Variants in ZBTB45 observed in about 807,000 individuals in gnomAD.
The protein encoded by ZBTB45 is zinc finger and BTB domain containing 45.
ZBTB45 carries 22 observed loss-of-function variants against 28.4 expected under a neutral mutation model. The observed-to-expected ratio is 0.77, with a 90% CI of 0.55 to 1.10. The LOEUF (loss-of-function observed/expected upper bound fraction) is 1.10. ZBTB45 is among the 50% of genes least tolerant of loss of function. The pLI is 0.00. For synonymous variants in ZBTB45, 361 were observed against 332.3 expected, an observed-to-expected ratio of 1.09 and a Z score of -0.94; for missense variants, 656 against 750.2, an observed-to-expected ratio of 0.87 and a Z score of 1.47.
upstream of ZBTB45, among the ~76,000 whole-genome samples, chr19:58,523,232 A>G (rs2053587840): frequency 6.6e-6 from 1 of 152,066 alleles, no homozygotes; most frequent in African/African-American, 2.4e-5. Context: ...TTTTCTCTCT[A>G]AAGATCTTTT....
At chr19:58,529,910 C>T (rs928375952) in intron 1 of ZBTB45, among the ~76,000 whole-genome samples, 2 of 152,016 alleles carry the variant, frequency 1.3e-5, no homozygotes, top group Non-Finnish European at 2.9e-5. Flanking sequence ...TGAATGAGAC[C>T]CCATTATGGC....
intron 1 of ZBTB45, among the ~76,000 whole-genome samples, chr19:58,534,854 C>A (rs1356232569): frequency 6.7e-6 from 1 of 149,246 alleles, no homozygotes; most frequent in Non-Finnish European, 1.5e-5. Context: ...CCGTGCCCGA[C>A]CTAATTCTTT....
intron 1 of ZBTB45, among the ~76,000 whole-genome samples, chr19:58,528,433 A>G (rs2053618811): frequency 6.6e-6 from 1 of 151,682 alleles, no homozygotes; most frequent in South Asian, 2.1e-4. Flanking sequence ...ACTGCACTCC[A>G]GCCTGGACGA....
intron 1 of ZBTB45, among the ~76,000 whole-genome samples, chr19:58,537,323 G>C (rs528528555): frequency 1.3e-5 from 2 of 152,272 alleles, no homozygotes; most frequent in African/African-American, 4.8e-5. Flanking sequence ...CCTGCTGCTT[G>C]TGTGGCTGCC....
At chr19:58,532,031 C>A (rs545630343) in intron 1 of ZBTB45, among the ~76,000 whole-genome samples, 3 of 152,030 alleles carry the variant, frequency 2.0e-5, no homozygotes, top group East Asian at 1.9e-4. Context: ...GTCCTCCCCC[C>A]TCCTTCCTTT....
intron 1 of ZBTB45, among the ~76,000 whole-genome samples, chr19:58,536,639 T>A (rs1232322223): frequency 6.6e-6 from 1 of 151,854 alleles, no homozygotes; most frequent in Non-Finnish European, 1.5e-5. Flanking sequence ...CGAGACTCCA[T>A]CTCAAAAAAA....
chr19:58,532,824 G>A (rs2122595806), intron 1 of ZBTB45, among the ~76,000 whole-genome samples: 1 of 151,982 alleles, frequency 6.6e-6, no homozygotes, highest in East Asian at 1.9e-4. Flanking sequence ...TGGGATTACA[G>A]GCGTGAGCCA....
intron 1 of ZBTB45, among the ~76,000 whole-genome samples, chr19:58,531,789 C>T (rs914128130): frequency 6.6e-6 from 1 of 152,156 alleles, no homozygotes; most frequent in African/African-American, 2.4e-5. Context: ...GGTCACTGTT[C>T]TTTCTGATGC....
upstream of ZBTB45, among the ~76,000 whole-genome samples, chr19:58,524,396 T>G (rs1229528063): frequency 1.8e-5 from 1 of 56,222 alleles, no homozygotes; most frequent in African/African-American, 6.9e-5. Context: ...AAAAAGAATG[T>G]GTATATATAT....
intron 1 of ZBTB45, among the ~76,000 whole-genome samples, chr19:58,527,185 C>T (rs1355390881): frequency 6.6e-6 from 1 of 152,152 alleles, no homozygotes; most frequent in African/African-American, 2.4e-5. Context: ...ACCCACTGCT[C>T]CTCGATGCCC....
intron 1 of ZBTB45, among the ~76,000 whole-genome samples, chr19:58,532,308 G>A (rs1227570213): frequency 6.6e-6 from 1 of 152,210 alleles, no homozygotes; most frequent in African/African-American, 2.4e-5. Context: ...TTAGGTTCTT[G>A]AAATGGGGAG....
chr19:58,524,454 T>TGTGTGC, upstream of ZBTB45, among the ~76,000 whole-genome samples: 1 of 150,654 alleles, frequency 6.6e-6, no homozygotes, highest in African/African-American at 2.4e-5. Flanking sequence ...TGTGTGTGTG[T>TGTGTGC]GTGTGTGTGT....
intron 2 of ZBTB45, 73 bp from the exon 3 acceptor site, chr19:58,514,383 C>G (rs1263022161): frequency 6.0e-6 from 8 of 1,322,586 alleles, no homozygotes; most frequent in Admixed American, 3.1e-5. Flanking sequence ...ACCCCACCCC[C>G]ACCTGGGCTC....
chr19:58,517,058 G>C lies in ZBTB45; in HGVS notation c.616C>G (p.Arg206Gly), dbSNP rs768718808. 2 of 1,613,096 alleles carry C rather than the reference G, an allele frequency of 1.2e-6. No individual in the cohort carries two copies. Among genetic ancestry groups the C allele is most frequent in the African/African-American group, 2.7e-5 (2 of 74,928 alleles). Residue 206 changes from arginine to glycine, a missense_variant, in exon 2 of 3, where the codon CGA (arginine) becomes GGA (glycine). Transcript: ENST00000594051. ...DPSLSAAPDD[R>G]GDEDDEESDD... ...CTTTCCTCGTCATCCTCGTCACCTC[G>C]GTCATCAGGGGCCGCGGACAGTGAG...
At position 58,517,010 on chromosome 19, in the gene ZBTB45, C is replaced by T. The variant is rs768914857; in HGVS notation, c.664G>A (p.Asp222Asn). Residue 222 changes from aspartate to asparagine, a missense_variant, in exon 2 of 3, where the codon GAT becomes AAT. This residue lies in a region of ZBTB45 where 448 missense variants were observed against 444.3 expected (regional missense o/e 1.01). Coordinates refer to ENST00000594051, the MANE Select transcript of ZBTB45 (RefSeq NM_001316979.2). ...EESDDETDGE[D>N]GEGGGPGEGQ... is the part of the protein sequence containing the mutation. ...TCGCCTGGGCCGCCACCTTCGCCAT[C>T]CTCGCCATCGGTCTCATCGTCACTT... is the stretch of plus-strand genomic sequence containing the variant. 1.2e-6 allele frequency: 2 copies of T among 1,613,176 alleles called. No individual in the cohort carries two copies. Among genetic ancestry groups the T allele is most frequent in the Admixed American group, 1.7e-5 (1 of 60,008 alleles).
rs2053493452 is a variant in ZBTB45 at position 58,516,350 on chromosome 19, T to C, written c.1279+45A>G. ...TGCTCAATTCCCCCTCAGGTTTAAC[T>C]CTCCGATGAGAGATTGCTCCCTCTC... On this transcript the variant is annotated intron_variant, in intron 2 of 2. Transcript: ENST00000594051. This position sits in a 1 kb window ranked among gnomAD's most constrained non-coding sequence, Gnocchi z 6.2. 1 of 1,610,956 alleles carries C rather than the reference T, an allele frequency of 6.2e-7. No homozygotes were observed. The highest frequency in any genetic ancestry group is 8.5e-7 in the Non-Finnish European group (1 of 1,178,048).
Position 58,513,780 on chromosome 19 carries a change from G to C in ZBTB45, c.*274C>G, listed in dbSNP as rs1325301806. The C allele has an allele frequency of 2.7e-6, 1 of 376,462 alleles. No individual in the cohort carries two copies. Among genetic ancestry groups the C allele is most frequent in the East Asian group, 4.0e-5 (1 of 24,768 alleles). 23.3% of individuals were successfully genotyped at this position (376,462 alleles called of 1,614,324 possible). A position where few individuals can be genotyped will look rare whatever the true frequency, so the allele number is the denominator to read the frequency against. Reference sequence around the variant, plus strand: ...AATCTTGGGCCGGGTCCAAGCGCCTGAGCGCCCGGTTTACGCAGGAAATAG... The same window carrying C: ...AATCTTGGGCCGGGTCCAAGCGCCTCAGCGCCCGGTTTACGCAGGAAATAG... On this transcript the variant is annotated 3_prime_UTR_variant, in exon 3 of 3. Coordinates refer to ENST00000594051, the MANE Select transcript of ZBTB45 (RefSeq NM_001316979.2).
intron 1 of ZBTB45, among the ~76,000 whole-genome samples, chr19:58,531,017 C>T (rs986711169): frequency 6.6e-5 from 10 of 152,136 alleles, no homozygotes; most frequent in Admixed American, 1.3e-4. Context: ...GGGTATATAC[C>T]TTGGAGGTGA....
chr19:58,530,061 A>G (rs2053627910), intron 1 of ZBTB45, among the ~76,000 whole-genome samples: 1 of 152,036 alleles, frequency 6.6e-6, no homozygotes, highest in Non-Finnish European at 1.5e-5. Flanking sequence ...AAATTAGCCA[A>G]GCATGATGGT....
Sources: allele counts gnomAD v4.1 joint callset (sites outside exome capture counted in the v4.1 genomes callset), GRCh38; gene constraint gnomAD v4.1.1; regional missense constraint gnomAD v4.1.1; non-coding constraint Gnocchi (gnomAD v3.1); transcripts MANE v1.5; gene names NCBI Gene and HGNC (gene_info 2026-07-23, HGNC 2026-07-21).